Variants in C2CD2 observed in about 807,000 individuals in gnomAD.
The protein encoded by C2CD2 is C2 domain-containing protein 2.
In C2CD2, 43 loss-of-function variants were observed where a neutral mutation model predicts 74.3. The observed-to-expected ratio is 0.58, with a 90% confidence interval of 0.45 to 0.75. The LOEUF (loss-of-function observed/expected upper bound fraction) is 0.75. C2CD2 is among the 30% of genes least tolerant of loss of function. The probability of loss-of-function intolerance (pLI) is 0.00; values close to 1 mark genes in which losing one functional copy is unlikely to be tolerated. For synonymous variants in C2CD2, 422 were observed against 390.7 expected, an observed-to-expected ratio of 1.08 and a Z score of -0.94; for missense variants, 801 against 916.3, an observed-to-expected ratio of 0.87 and a Z score of 1.63.
At chr21:41,900,204 G>A (rs983837249) in intron 12 of C2CD2, among the ~76,000 whole-genome samples, 2 of 152,170 alleles carry the variant, frequency 1.3e-5, no homozygotes, top group Non-Finnish European at 2.9e-5. Context: ...AACCTGGGAG[G>A]CGGAGCTTGC....
intron 3 of C2CD2, 112 bp from the exon 4 acceptor site, chr21:41,919,072 ATG>A (rs2065126162): frequency 2.0e-5 from 15 of 746,610 alleles, no homozygotes; most frequent in Middle Eastern, 4.6e-4. Context: ...GCATGTGAGC[ATG>A]TGTCTATGTG....
At chr21:41,919,212 G>A (rs1410822793) in intron 3 of C2CD2, among the ~76,000 whole-genome samples, 1 of 152,220 alleles carries the variant, frequency 6.6e-6, no homozygotes, top group Non-Finnish European at 1.5e-5. Flanking sequence ...ATGTGTATTT[G>A]AGCGTGTGCG....
intron 6 of C2CD2, among the ~76,000 whole-genome samples, chr21:41,913,392 A>G (rs1053076597): frequency 1.3e-5 from 2 of 152,240 alleles, no homozygotes; most frequent in Non-Finnish European, 2.9e-5. Flanking sequence ...GCCTCCACGC[A>G]TTCGCTACTG....
At chr21:41,905,593 C>T (rs1303742153) in intron 11 of C2CD2, 131 bp downstream of exon 11, 14 of 589,806 alleles carry the variant, frequency 2.4e-5, no homozygotes, top group Middle Eastern at 2.7e-4. Flanking sequence ...GCTGAGATTA[C>T]GGGTGTGAGC....
Position 41,918,208 on chromosome 21 carries a change from C to G in C2CD2, c.617G>C (p.Ser206Thr). ...ALGEDQVAETSAMSDVLKDIL... is the reference protein window; with the variant it reads ...ALGEDQVAETTAMSDVLKDIL... ...GTCCTTGAGAACGTCAGACATCGCA[C>G]TTGTCTCAGCCACCTGGTCCTGGTG... The change falls in exon 5 of 14, where the codon AGT becomes ACT. Residue 206 changes from serine to threonine, a missense_variant. Coordinates refer to ENST00000380486, the MANE Select transcript of C2CD2 (RefSeq NM_015500.2). 1 of 1,614,160 alleles carries G rather than the reference C, an allele frequency of 6.2e-7. No homozygotes were observed. The highest frequency in any genetic ancestry group is 8.5e-7 in the Non-Finnish European group (1 of 1,179,998).
chr21:41,892,180 T>C lies in C2CD2; in HGVS notation c.1871-2836A>G, dbSNP rs974256060. Among the ~76,000 whole-genome samples, 5 of 152,100 alleles carry C rather than the reference T, an allele frequency of 3.3e-5. No individual in the cohort carries two copies. The highest frequency in any genetic ancestry group is 1.2e-4 in the African/African-American group (5 of 41,414). ...GAGACAGACACGCAAGGGAAGACAT[T>C]GTGAAGGGTCACAGGAAGGATGCCA... On this transcript the variant is annotated intron_variant, in intron 13 of 13. Transcript: ENST00000380486. The surrounding 1 kb of genome is among the most constrained non-coding windows in gnomAD (Gnocchi z 4.6).
intron 2 of C2CD2, among the ~76,000 whole-genome samples, chr21:41,927,809 A>T (rs1443774033): frequency 6.6e-6 from 1 of 152,124 alleles, no homozygotes; most frequent in Non-Finnish European, 1.5e-5. Context: ...GGGGATTGAG[A>T]TGAAAAGGGT....
chr21:41,948,885 TTTTTTTTC>T lies in C2CD2; in HGVS notation c.279+4477_279+4484del, dbSNP rs1216611271. Among the ~76,000 whole-genome samples, 173 of 127,910 alleles carry T rather than the reference TTTTTTTTC, an allele frequency of 1.4e-3. 27 individuals carry two copies. The highest frequency in any genetic ancestry group is 8.1e-3 in the Middle Eastern group (2 of 246). The allele number at this position is 127,910 out of a possible 152,430, so 83.9% of individuals were successfully genotyped here. The stretch of plus-strand genomic sequence containing the variant: ...CACACAGCATCTTTTTTTTTTTTTT[TTTTTTTTC>T]TTTTTTTTTACAAAGACCATAATGA... On this transcript the variant is annotated intron_variant, in intron 1 of 13. Transcript: ENST00000380486.
chr21:41,947,606 C>T (rs577401140), intron 1 of C2CD2, among the ~76,000 whole-genome samples: 2 of 152,264 alleles, frequency 1.3e-5, no homozygotes, highest in African/African-American at 4.8e-5. Flanking sequence ...ATTTTTTCAA[C>T]TTTTCTGTGA....
At chr21:41,948,302 G>A (rs1421897844) in intron 1 of C2CD2, among the ~76,000 whole-genome samples, 1 of 148,328 alleles carries the variant, frequency 6.7e-6, no homozygotes, top group African/African-American at 2.4e-5. Flanking sequence ...CTGGGCACTG[G>A]GTCTGGCTCT....
intron 2 of C2CD2, among the ~76,000 whole-genome samples, chr21:41,922,907 C>A (rs2065170780): frequency 6.6e-6 from 1 of 152,128 alleles, no homozygotes. Flanking sequence ...AACAATGTTT[C>A]AAATCTTTGC....
intron 13 of C2CD2, chr21:41,894,434 T>C: frequency 5.5e-6 from 2 of 361,460 alleles, no homozygotes; most frequent in South Asian, 4.1e-5. Context: ...TGTGTGACAT[T>C]GCGCTTTCTG....
chr21:41,950,713 G>A (rs1479552627), intron 1 of C2CD2, among the ~76,000 whole-genome samples: 2 of 152,218 alleles, frequency 1.3e-5, no homozygotes, highest in Non-Finnish European at 2.9e-5. Flanking sequence ...ACGGGCCTCA[G>A]TCTCCCCTTC....
chr21:41,945,717 G>A lies in C2CD2; in HGVS notation c.280-3472C>T, dbSNP rs1325539671. On this transcript the variant is annotated intron_variant, in intron 1 of 13. Transcript: ENST00000380486. This position sits in a 1 kb window ranked among gnomAD's most constrained non-coding sequence, Gnocchi z 4.2. ...CTCTCCCATACTGTTCTCATATAGT[G>A]AGTTCTCACAAGATCTGATGCTTTT... Among the ~76,000 whole-genome samples, 1 of 152,170 alleles carries A rather than the reference G, an allele frequency of 6.6e-6. No individual in the cohort carries two copies. The highest frequency in any genetic ancestry group is 6.5e-5 in the Admixed American group (1 of 15,276).
In C2CD2 at chr21:41,889,225, T is replaced by C. The variant is rs759247971; in HGVS notation, c.1990A>G (p.Arg664Gly). ...VFLEQPEGSRRKGITLTRILN... is the reference protein window; with the variant it reads ...VFLEQPEGSRGKGITLTRILN... ...ATCCTGGTGAGGGTGATGCCTTTCC[T>C]CCGGGAACCCTCTGGCTGCTCCAGG... Residue 664 changes from arginine to glycine, a missense_variant, in exon 14 of 14, where the codon AGG (arginine) becomes GGG (glycine). Transcript: ENST00000380486. The C allele has an allele frequency of 1.1e-5, 18 of 1,613,852 alleles. No individual in the cohort carries two copies. Among genetic ancestry groups the C allele is most frequent in the Non-Finnish European group, 1.5e-5 (18 of 1,180,022 alleles).
chr21:41,933,080 G>C (rs2065276781), intron 2 of C2CD2, among the ~76,000 whole-genome samples: 2 of 150,350 alleles, frequency 1.3e-5, no homozygotes, highest in South Asian at 4.3e-4. Flanking sequence ...CGGCGGCCTT[G>C]TCCCTGTCTT....
intron 13 of C2CD2, 100 bp downstream of exon 13, chr21:41,898,953 G>T: frequency 1.1e-6 from 1 of 897,304 alleles, no homozygotes; most frequent in Non-Finnish European, 1.8e-6. Context: ...AGTTTGTAGG[G>T]GACAAAGGGA....
chr21:41,895,115 TCATC>T lies in C2CD2; in HGVS notation c.1870+3934_1870+3937del, dbSNP rs1439758879. On this transcript the variant is annotated intron_variant, in intron 13 of 13. Coordinates refer to ENST00000380486, the MANE Select transcript of C2CD2 (RefSeq NM_015500.2). The surrounding 1 kb of genome is among the most constrained non-coding windows in gnomAD (Gnocchi z 5.0). The stretch of plus-strand genomic sequence containing the variant: ...TTATCCTGGAGAATGTGGGTAGGCC[TCATC>T]CAATCAGCTGAAGGCCCTAAGAGCA... The T allele has an allele frequency of 2.7e-6, 1 of 367,610 alleles. No homozygotes were observed. The highest frequency in any genetic ancestry group is 5.5e-6 in the Non-Finnish European group (1 of 183,354). The allele number at this position is 367,610 out of a possible 1,614,324, so 22.8% of individuals were successfully genotyped here. A position where few individuals can be genotyped will look rare whatever the true frequency, so the allele number is the denominator to read the frequency against.
chr21:41,894,397 G>T (rs170134), intron 13 of C2CD2, among the ~76,000 whole-genome samples: 147,933 of 152,314 alleles, frequency 0.97, 72,018 homozygotes, highest in Middle Eastern at 1. Flanking sequence ...GAGGTGGCTG[G>T]CTGGGGTCGC....
Sources: gnomAD v4.1 joint callset for allele counts (sites outside exome capture counted in the v4.1 genomes callset) on GRCh38, gnomAD v4.1.1 for gene constraint, Gnocchi (gnomAD v3.1) non-coding constraint, MANE v1.5 for transcripts, NCBI Gene and HGNC (gene_info 2026-07-23, HGNC 2026-07-21) for gene names.